STX10: variants seen among roughly 807,000 people sequenced by gnomAD.
STX10 encodes the protein syntaxin-10.
In STX10, 35 loss-of-function variants were observed where a neutral mutation model predicts 34.1. The ratio of observed to expected loss-of-function variants is 1.03; its 90% confidence interval spans 0.78 to 1.36. STX10 has a LOEUF of 1.36. STX10 is among the 40% of genes most tolerant of loss of function. STX10 has a pLI of 0.00. For synonymous variants in STX10, 155 were observed against 132.9 expected, an observed-to-expected ratio of 1.17 and a Z score of -1.15; for missense variants, 361 against 335.5, an observed-to-expected ratio of 1.08 and a Z score of -0.59.
Position 13,144,880 on chromosome 19 carries a change from G to A in STX10, c.472-10C>T, listed in dbSNP as rs756122819. The stretch of plus-strand genomic sequence containing the variant: ...GTTCATCCATGATCAGCTGCAGAGC[G>A]AAGGGGTGGGAGATGCTGTTGAAAA... On this transcript the variant is annotated splice_polypyrimidine_tract_variant and intron_variant, in intron 5 of 7. Coordinates refer to ENST00000587230, the MANE Select transcript of STX10 (RefSeq NM_003765.3). 1.2e-5 allele frequency: 20 copies of A among 1,607,692 alleles called. No individual in the cohort carries two copies. The Admixed American group carries it at 1.9e-4, about 15-fold the overall frequency.
chr19:13,150,240 A>G lies in STX10; in HGVS notation c.-67T>C, dbSNP rs2020032306. 1.5e-6 allele frequency: 1 copy of G among 672,100 alleles called. No homozygotes were observed. The highest frequency in any genetic ancestry group is 1.8e-5 in the African/African-American group (1 of 54,154). 41.6% of individuals were successfully genotyped at this position (672,100 alleles called of 1,614,324 possible). On this transcript the variant is annotated 5_prime_UTR_variant, in exon 1 of 8. Transcript: ENST00000587230. The surrounding 1 kb of genome is among the most constrained non-coding windows in gnomAD (Gnocchi z 4.0). Reference sequence around the variant, plus strand: ...GGGTTCGCGGGCTGGTTCCCTCCCAACCGAGGAGAACGCGCCGCCACCCCC... The same window carrying G: ...GGGTTCGCGGGCTGGTTCCCTCCCAGCCGAGGAGAACGCGCCGCCACCCCC...
At chr19:13,146,309 T>C (rs1171289577) in intron 4 of STX10, among the ~76,000 whole-genome samples, 1 of 152,118 alleles carries the variant, frequency 6.6e-6, no homozygotes, top group Non-Finnish European at 1.5e-5. Flanking sequence ...GCCCAACACA[T>C]AGTAATGCTA....
chr19:13,149,442 G>GAAAA (rs373808935), intron 3 of STX10, 57 bp downstream of exon 3: 49 of 1,166,582 alleles, frequency 4.2e-5, no homozygotes, highest in East Asian at 2.3e-4. Context: ...AAGAAAGAAA[G>GAAAA]AAAAAAAAAC....
At chr19:13,146,728 A>G (rs912112001) in intron 4 of STX10, among the ~76,000 whole-genome samples, 2 of 151,330 alleles carry the variant, frequency 1.3e-5, no homozygotes, top group African/African-American at 4.9e-5. Context: ...TTTTGTAGAG[A>G]CAGGGTTTCA....
chr19:13,145,951 G>A (rs2019888779), intron 4 of STX10, among the ~76,000 whole-genome samples: 1 of 149,322 alleles, frequency 6.7e-6, no homozygotes, highest in Non-Finnish European at 1.5e-5. Context: ...ACTTGAACCT[G>A]GGAGGCTGAG....
intron 3 of STX10, 119 bp from the exon 4 acceptor site, chr19:13,149,210 G>A: frequency 8.1e-6 from 7 of 866,532 alleles, no homozygotes; most frequent in East Asian, 2.7e-5. Flanking sequence ...TCAGGAGTTC[G>A]AGACCAGCCT....
Position 13,145,272 on chromosome 19 carries a change from C to T in STX10, c.471+16G>A. The T allele has an allele frequency of 1.2e-6, 2 of 1,607,128 alleles. No individual in the cohort carries two copies. Among genetic ancestry groups the T allele is most frequent in the African/African-American group, 1.3e-5 (1 of 75,028 alleles). ...AGGCTCTCCCCTCCCAAGATCCACC[C>T]CGCTGGCCCCAAAACCTGCTGTGTG... On this transcript the variant is annotated intron_variant, in intron 5 of 7. Coordinates refer to ENST00000587230, the MANE Select transcript of STX10 (RefSeq NM_003765.3).
At position 13,149,042 on chromosome 19, in the gene STX10, C is replaced by T. The variant is rs1445921351; in HGVS notation, c.350G>A (p.Arg117Lys). 2 of 1,603,092 alleles carry T rather than the reference C, an allele frequency of 1.2e-6. No individual in the cohort carries two copies. Among genetic ancestry groups the T allele is most frequent in the East Asian group, 2.2e-5 (1 of 44,466 alleles). Reference protein sequence around the residue: ...VSPTAVAFLERNNREILAGKP... With the variant: ...VSPTAVAFLEKNNREILAGKP... ...AGGAAGGCTTACCTCTCTGTTATTC[C>T]TCTCCAAAAATGCTACGGCTGTTGG... Residue 117 changes from arginine to lysine, a missense_variant, in exon 4 of 8, where the codon AGG becomes AAG. Transcript: ENST00000587230.
chr19:13,149,500 T>C lies in STX10; in HGVS notation c.299A>G (p.Gln100Arg), dbSNP rs1180532758. ...VFVERMREAV[Q>R]EMKDHMVSPT... ...CCCGCCTGCAGGACCTTTCCTGACC[T>C]GGACTGCCTCTCGCATCCGCTCCAC... Residue 100 changes from glutamine to arginine, a missense_variant and splice_region_variant, in exon 3 of 8, where the codon CAG becomes CGG. Physicochemically the swap from Gln to Arg is conservative, Grantham distance 43. Coordinates refer to ENST00000587230, the MANE Select transcript of STX10 (RefSeq NM_003765.3). 1 of 1,613,066 alleles carries C rather than the reference T, an allele frequency of 6.2e-7. No individual in the cohort carries two copies.
chr19:13,150,128 T>G lies in STX10; in HGVS notation c.35+11A>C, dbSNP rs537693667. 10 of 1,169,306 alleles carry G rather than the reference T, an allele frequency of 8.6e-6. No homozygotes were observed. The highest frequency in any genetic ancestry group is 6.1e-5 in the African/African-American group (4 of 65,846). The allele number at this position is 1,169,306 out of a possible 1,614,324, so 72.4% of individuals were successfully genotyped here. A position where few individuals can be genotyped will look rare whatever the true frequency, so the allele number is the denominator to read the frequency against. Reference sequence around the variant, plus strand: ...GAGCACCCTCCGCCCTCCCCCGTCGTTGTCACTCACCCTCGGACTACAAAA... The same window carrying G: ...GAGCACCCTCCGCCCTCCCCCGTCGGTGTCACTCACCCTCGGACTACAAAA... On this transcript the variant is annotated intron_variant, in intron 1 of 7. Coordinates refer to ENST00000587230, the MANE Select transcript of STX10 (RefSeq NM_003765.3). The surrounding 1 kb of genome is among the most constrained non-coding windows in gnomAD (Gnocchi z 4.0).
chr19:13,148,551 G>A (rs2019963517), intron 4 of STX10, among the ~76,000 whole-genome samples: 1 of 145,100 alleles, frequency 6.9e-6, no homozygotes, highest in Non-Finnish European at 1.5e-5. Context: ...ATGGTGACGA[G>A]CACCTGTAAT....
Position 13,149,441 on chromosome 19 carries a change from AG to A in STX10, c.300+57del, listed in dbSNP as rs370695864. On this transcript the variant is annotated intron_variant, in intron 3 of 7. Coordinates refer to ENST00000587230, the MANE Select transcript of STX10 (RefSeq NM_003765.3). ...AAAAAAAAAAAAAAGAAAGAAAGAA[AG>A]AAAAAAAAACACACTCAAACCTTCC... 2,511 of 1,317,448 alleles carry A rather than the reference AG, an allele frequency of 1.9e-3. 8 individuals carry two copies. The highest frequency in any genetic ancestry group is 2.8e-3 in the South Asian group (198 of 71,772). The allele number at this position is 1,317,448 out of a possible 1,614,324, so 81.6% of individuals were successfully genotyped here. A position where few individuals can be genotyped will look rare whatever the true frequency, so the allele number is the denominator to read the frequency against.
Position 13,144,792 on chromosome 19 carries a change from C to A in STX10, c.550G>T (p.Val184Phe). The A allele has an allele frequency of 3.1e-6, 5 of 1,613,970 alleles. No homozygotes were observed. The highest frequency in any genetic ancestry group is 4.2e-6 in the Non-Finnish European group (5 of 1,180,004). The change falls in exon 6 of 8, where the codon GTT becomes TTT. Residue 184 changes from valine to phenylalanine, a missense_variant. By Grantham distance (50) the Val-to-Phe change is conservative. Transcript: ENST00000587230. ...IQVLKHMSGR[V>F]GEELDEQGIM... ...CCCTGCTCGTCCAGCTCTTCTCCAACGCGGCCGGACATGTGCTTCAGAACC... is the reference window on the plus strand; with the variant it reads ...CCCTGCTCGTCCAGCTCTTCTCCAAAGCGGCCGGACATGTGCTTCAGAACC...
chr19:13,147,935 A>C (rs1834874214), intron 4 of STX10, among the ~76,000 whole-genome samples: 1 of 145,266 alleles, frequency 6.9e-6, no homozygotes, highest in African/African-American at 2.6e-5. Context: ...GTGTGGTGGC[A>C]TGTGCCTGTA....
intron 4 of STX10, among the ~76,000 whole-genome samples, chr19:13,146,005 G>A (rs2019890217): frequency 7.1e-6 from 1 of 140,210 alleles, no homozygotes; most frequent in Non-Finnish European, 1.5e-5. Flanking sequence ...CAGCCTGGGT[G>A]ACAGGTTAAG....
Position 13,144,206 on chromosome 19 carries a change from A to C in STX10, c.*204T>G. The C allele has an allele frequency of 1.5e-6, 1 of 650,152 alleles. No individual in the cohort carries two copies. Among genetic ancestry groups the C allele is most frequent in the Non-Finnish European group, 2.6e-6 (1 of 387,800 alleles). 40.3% of individuals were successfully genotyped at this position (650,152 alleles called of 1,614,324 possible). On this transcript the variant is annotated 3_prime_UTR_variant, in exon 8 of 8. Coordinates refer to ENST00000587230, the MANE Select transcript of STX10 (RefSeq NM_003765.3). ...ACCACCCCCTAAGTGCACTTGAGAC[A>C]GGACCAGTGGTGGTGGTTCCAGCCC...
Position 13,145,502 on chromosome 19 carries a change from A to G in STX10, c.364-107T>C, listed in dbSNP as rs555471752. Reference sequence around the variant, plus strand: ...TCAGGGGGGCAGACTCTGGGGCAGGACAGCCTGCATTCCCCACTCACCACT... The same window carrying G: ...TCAGGGGGGCAGACTCTGGGGCAGGGCAGCCTGCATTCCCCACTCACCACT... On this transcript the variant is annotated intron_variant, in intron 4 of 7. Coordinates refer to ENST00000587230, the MANE Select transcript of STX10 (RefSeq NM_003765.3). 9.4e-5 allele frequency: 82 copies of G among 872,756 alleles called. No individual in the cohort carries two copies. The East Asian group carries it at 2.2e-3, about 23-fold the overall frequency. 54.1% of individuals were successfully genotyped at this position (872,756 alleles called of 1,614,324 possible).
Position 13,144,748 on chromosome 19 carries a change from AG to A in STX10, c.578+15del, listed in dbSNP as rs1645985368. 1 of 1,613,044 alleles carries A rather than the reference AG, an allele frequency of 6.2e-7. No homozygotes were observed. The highest frequency in any genetic ancestry group is 1.7e-5 in the Admixed American group (1 of 59,928). On this transcript the variant is annotated intron_variant, in intron 6 of 7. Transcript: ENST00000587230. ...GGCCGAGAGCCCCTGGCCCACCCCC[AG>A]GGTCCTGGCCTCACATGCCCTGCTC...
intron 5 of STX10, among the ~76,000 whole-genome samples, chr19:13,145,076 G>A (rs2019866632): frequency 6.6e-6 from 1 of 152,074 alleles, no homozygotes; most frequent in South Asian, 2.1e-4. Flanking sequence ...GTGGGCGCCT[G>A]TAATCCCAGC....
Sources: allele counts gnomAD v4.1 joint callset (sites outside exome capture counted in the v4.1 genomes callset), GRCh38; gene constraint gnomAD v4.1.1; non-coding constraint Gnocchi (gnomAD v3.1); transcripts MANE v1.5; gene names NCBI Gene and HGNC (gene_info 2026-07-23, HGNC 2026-07-21).